ITPKC: variants seen among roughly 807,000 people sequenced by gnomAD.
The protein encoded by ITPKC is inositol-trisphosphate 3-kinase C, also known as IP3 3-kinase C.
ITPKC carries 33 observed loss-of-function variants against 67.1 expected under a neutral mutation model. The ratio of observed to expected loss-of-function variants is 0.49; its 90% CI spans 0.37 to 0.66. The LOEUF is 0.66. Among genes scored for constraint, ITPKC ranks in the 30% least tolerant of loss-of-function variants. The probability of loss-of-function intolerance (pLI) is 0.00; values close to 1 mark genes in which losing one functional copy is unlikely to be tolerated. For synonymous variants in ITPKC, 341 were observed against 359.8 expected (o/e 0.95, Z 0.59); for missense variants, 820 against 892.1 (o/e 0.92, Z 1.03).
At position 40,717,292 on chromosome 19, in the gene ITPKC, C is replaced by T; in HGVS notation, c.157C>T (p.Pro53Ser). 5 of 1,479,012 alleles carry T rather than the reference C, an allele frequency of 3.4e-6. No individual in the cohort carries two copies. The highest frequency in any genetic ancestry group is 4.5e-6 in the Non-Finnish European group (5 of 1,119,352). The allele number at this position is 1,479,012 out of a possible 1,614,324, so 91.6% of individuals were successfully genotyped here. A position where few individuals can be genotyped will look rare whatever the true frequency, so the allele number is the denominator to read the frequency against. ...GPGAGAPAGR[P>S]EGGGPWARTE... ...CGGCGCAGGGGCCCCGGCGGGGCGGCCGGAGGGGGGCGGGCCCTGGGCCCG... is the reference window on the plus strand; with the variant it reads ...CGGCGCAGGGGCCCCGGCGGGGCGGTCGGAGGGGGGCGGGCCCTGGGCCCG... Residue 53 changes from proline to serine, a missense_variant, in exon 1 of 7, where the codon CCG becomes TCG. Transcript: ENST00000263370.
intron 1 of ITPKC, among the ~76,000 whole-genome samples, chr19:40,724,595 G>C (rs1033691382): frequency 3.3e-5 from 5 of 151,956 alleles, no homozygotes; most frequent in Admixed American, 3.3e-4. Context: ...ATCAACTCCT[G>C]CCTCTATAAT....
intron 1 of ITPKC, among the ~76,000 whole-genome samples, chr19:40,719,391 T>C (rs77027409): frequency 8.4e-6 from 1 of 118,716 alleles, no homozygotes; most frequent in Non-Finnish European, 1.9e-5. Flanking sequence ...ATAATAATAA[T>C]AATAACAACA....
In ITPKC at chr19:40,729,227, T is replaced by G. The variant is rs957439554; in HGVS notation, c.1281T>G (p.Gly427=). The G allele has an allele frequency of 1.5e-5, 25 of 1,613,808 alleles. No homozygotes were observed. The Admixed American group carries it at 2.3e-4, about 15-fold the overall frequency. ...GGAACTTCCAGGCAGGAGAGGATGG[T>G]CGGATTCTGAAACGTTTCTGTCAGT... is the stretch of plus-strand genomic sequence containing the variant. ...HAGNFQAGED[G]RILKRFCQCE... Residue 427 remains glycine, a synonymous_variant, in exon 3 of 7, where the codon GGT becomes GGG. Coordinates refer to ENST00000263370, the MANE Select transcript of ITPKC (RefSeq NM_025194.3).
Position 40,737,693 on chromosome 19 carries a change from C to T in ITPKC, c.1777-5C>T, listed in dbSNP as rs1467688881. On this transcript the variant is annotated splice_polypyrimidine_tract_variant and splice_region_variant and intron_variant, in intron 5 of 6. Transcript: ENST00000263370. The stretch of plus-strand genomic sequence containing the variant: ...GCTAACCAAAGAACGCTCCCTGTCA[C>T]ACAGCAAAAGTACGTGGCATGCCTA... 1 of 1,614,034 alleles carries T rather than the reference C, an allele frequency of 6.2e-7. No homozygotes were observed. Among genetic ancestry groups the T allele is most frequent in the East Asian group, 2.2e-5 (1 of 44,880 alleles).
Position 40,717,355 on chromosome 19 carries a change from G to A in ITPKC, c.220G>A (p.Ala74Thr), listed in dbSNP as rs754601988. ...GSSLHSEPER[A>T]GLGPAPGTES... is the part of the protein sequence containing the mutation. ...CAGCCTCCACAGCGAGCCTGAGAGG[G>A]CCGGCCTCGGGCCTGCGCCGGGGAC... The change falls in exon 1 of 7, where the codon GCC becomes ACC. Residue 74 changes from alanine (A) to threonine (T), a missense_variant. This residue lies in a region of ITPKC where 481 missense variants were observed against 470.1 expected (regional missense o/e 1.02). Transcript: ENST00000263370. 1.9e-6 allele frequency: 3 copies of A among 1,610,976 alleles called. No homozygotes were observed. The highest frequency in any genetic ancestry group is 1.7e-5 in the Admixed American group (1 of 59,842).
intron 1 of ITPKC, among the ~76,000 whole-genome samples, chr19:40,723,389 C>T (rs906930410): frequency 5.9e-5 from 9 of 152,192 alleles, no homozygotes; most frequent in East Asian, 1.9e-4. Context: ...CCATCGTACC[C>T]GCTGCTTTTG....
intron 1 of ITPKC, among the ~76,000 whole-genome samples, chr19:40,724,360 A>G (rs1234009518): frequency 1.3e-5 from 2 of 152,214 alleles, no homozygotes; most frequent in Non-Finnish European, 2.9e-5. Flanking sequence ...ATTGTACTGC[A>G]GTCTGGCTGA....
chr19:40,732,456 C>T (rs578212904), intron 3 of ITPKC, among the ~76,000 whole-genome samples: 16 of 141,610 alleles, frequency 1.1e-4, no homozygotes, highest in East Asian at 6.1e-4. Context: ...CTTGAATCCG[C>T]GAGGCAGAGG....
At chr19:40,739,193 C>T (rs1000840430) in intron 6 of ITPKC, among the ~76,000 whole-genome samples, 164 bp from the exon 7 acceptor site, 11 of 152,184 alleles carry the variant, frequency 7.2e-5, no homozygotes, top group African/African-American at 1.9e-4. Flanking sequence ...GAGGTTAAGA[C>T]ACCTGCCTAA....
At chr19:40,732,427 G>A (rs2082275421) in intron 3 of ITPKC, among the ~76,000 whole-genome samples, 2 of 150,686 alleles carry the variant, frequency 1.3e-5, no homozygotes, top group African/African-American at 4.9e-5. Flanking sequence ...CTACTCAGGA[G>A]GCTGAGGCAG....
intron 4 of ITPKC, among the ~76,000 whole-genome samples, chr19:40,734,781 G>GTT (rs34843018): frequency 0.5 from 56,866 of 114,398 alleles, 14,258 homozygotes; most frequent in South Asian, 0.6. Flanking sequence ...GCTAATTGTT[G>GTT]TTTTTTTTTT....
At chr19:40,720,797 C>T (rs985802664) in intron 1 of ITPKC, among the ~76,000 whole-genome samples, 2 of 152,126 alleles carry the variant, frequency 1.3e-5, no homozygotes, top group Non-Finnish European at 1.5e-5. Context: ...TTGCTCAAGC[C>T]GTTCCCACTG....
intron 1 of ITPKC, among the ~76,000 whole-genome samples, chr19:40,722,671 T>C (rs1157011460): frequency 6.6e-6 from 1 of 152,232 alleles, no homozygotes; most frequent in Non-Finnish European, 1.5e-5. Flanking sequence ...CCTGTGTGTG[T>C]ATGTGTTCAT....
In ITPKC at chr19:40,739,650, G is replaced by A; in HGVS notation, c.*90G>A. ...ATGGGAGGCCTGAGGTTGGCCACGG[G>A]GGAGCTGGCCTCCAGGGACGGGAGA... is the stretch of plus-strand genomic sequence containing the variant. On this transcript the variant is annotated 3_prime_UTR_variant, in exon 7 of 7. Transcript: ENST00000263370. 1 of 1,175,922 alleles carries A rather than the reference G, an allele frequency of 8.5e-7. No homozygotes were observed. The highest frequency in any genetic ancestry group is 1.2e-6 in the Non-Finnish European group (1 of 829,950). 72.8% of individuals were successfully genotyped at this position (1,175,922 alleles called of 1,614,324 possible). A position where few individuals can be genotyped will look rare whatever the true frequency, so the allele number is the denominator to read the frequency against.
rs1218754508 is a variant in ITPKC at position 40,717,379 on chromosome 19, A to G, written c.244A>G (p.Thr82Ala). ...ERAGLGPAPG[T>A]ESPQAEFWTD... ...GGCCGGCCTCGGGCCTGCGCCGGGGACAGAGAGTCCGCAGGCAGAATTCTG... is the reference window on the plus strand; with the variant it reads ...GGCCGGCCTCGGGCCTGCGCCGGGGGCAGAGAGTCCGCAGGCAGAATTCTG... The change falls in exon 1 of 7, where the codon ACA becomes GCA. Residue 82 changes from threonine (T) to alanine (A), a missense_variant. Thr to Ala is a moderately conservative substitution (Grantham distance 58). This residue lies in a region of ITPKC where 481 missense variants were observed against 470.1 expected (regional missense o/e 1.02). Transcript: ENST00000263370. 6.2e-7 allele frequency: 1 copy of G among 1,612,958 alleles called. No homozygotes were observed. Among genetic ancestry groups the G allele is most frequent in the Non-Finnish European group, 8.5e-7 (1 of 1,179,882 alleles).
Position 40,717,772 on chromosome 19 carries a change from C to T in ITPKC, c.637C>T (p.Pro213Ser), listed in dbSNP as rs1224219621. Residue 213 changes from proline (P) to serine (S), a missense_variant, in exon 1 of 7, where the codon CCC (proline) becomes TCC (serine). Pro to Ser is a moderately conservative substitution (Grantham distance 74, BLOSUM62 -1). Around this residue, in one of 2 missense-constraint regions of ITPKC, gnomAD observed 481 missense variants for 470.1 expected, o/e 1.02. Transcript: ENST00000263370. ...CCAGACTCACCCAGAAGGAGCCTGTCCCTCAAAAGAGCCAAGTGCTGATGG... is the reference window on the plus strand; with the variant it reads ...CCAGACTCACCCAGAAGGAGCCTGTTCCTCAAAAGAGCCAAGTGCTGATGG... Reference protein sequence around the residue: ...SLQTHPEGACPSKEPSADGSW... With the variant: ...SLQTHPEGACSSKEPSADGSW... 1 of 1,613,936 alleles carries T rather than the reference C, an allele frequency of 6.2e-7. No homozygotes were observed. The highest frequency in any genetic ancestry group is 1.7e-5 in the Admixed American group (1 of 59,980).
chr19:40,737,678 G>C lies in ITPKC; in HGVS notation c.1777-20G>C. On this transcript the variant is annotated intron_variant, in intron 5 of 6. Transcript: ENST00000263370. ...CCACAAAGTCCCCATGCTAACCAAAGAACGCTCCCTGTCACACAGCAAAAG... is the reference window on the plus strand; with the variant it reads ...CCACAAAGTCCCCATGCTAACCAAACAACGCTCCCTGTCACACAGCAAAAG... The C allele has an allele frequency of 6.2e-7, 1 of 1,613,032 alleles. No individual in the cohort carries two copies. Among genetic ancestry groups the C allele is most frequent in the Non-Finnish European group, 8.5e-7 (1 of 1,179,056 alleles).
intron 4 of ITPKC, among the ~76,000 whole-genome samples, chr19:40,735,512 G>A (rs562552975): frequency 5.9e-5 from 9 of 151,948 alleles, no homozygotes; most frequent in Middle Eastern, 3.4e-3. Context: ...GGTCTCTTCC[G>A]TCTGTGCCCC....
intron 1 of ITPKC, among the ~76,000 whole-genome samples, chr19:40,723,086 C>T (rs10425765): frequency 0.46 from 69,230 of 151,832 alleles, 16,620 homozygotes; most frequent in South Asian, 0.58. Flanking sequence ...CTCAGCCTCC[C>T]GAGTAGCTGG....
Sources: gnomAD v4.1 joint callset for allele counts (sites outside exome capture counted in the v4.1 genomes callset) on GRCh38, gnomAD v4.1.1 for gene constraint, gnomAD v4.1.1 regional missense constraint, MANE v1.5 for transcripts, NCBI Gene and HGNC (gene_info 2026-07-23, HGNC 2026-07-21) for gene names.